SLC25A43: variants seen among roughly 807,000 people sequenced by gnomAD.
SLC25A43 encodes the protein solute carrier family 25 member 43.
In SLC25A43, 10 loss-of-function variants were observed where a neutral mutation model predicts 22.8. The observed-to-expected ratio is 0.44, with a 90% CI of 0.27 to 0.74. The LOEUF (loss-of-function observed/expected upper bound fraction) is 0.74. Among genes scored for constraint, SLC25A43 ranks in the 30% least tolerant of loss-of-function variants. SLC25A43 has a pLI of 0.17. For synonymous variants in SLC25A43, 106 were observed against 121.6 expected, an observed-to-expected ratio of 0.87 and a Z score of 0.84; for missense variants, 233 against 279.1, an observed-to-expected ratio of 0.83 and a Z score of 1.18.
intron 3 of SLC25A43, among the ~76,000 whole-genome samples, chrX:119,448,949 G>A (rs2052685977): frequency 9.0e-6 from 1 of 111,250 alleles, no homozygotes; most frequent in African/African-American, 3.3e-5. Context: ...AAGAGCTAAG[G>A]AGTGCAGTCA....
chrX:119,410,466 A>G, intron 3 of SLC25A43, 104 bp downstream of exon 3: 2 of 905,047 alleles, frequency 2.2e-6, no homozygotes, highest in Non-Finnish European at 3.1e-6. Context: ...CAGGTTTCCA[A>G]GGAGCTTCTG....
chrX:119,421,642 GT>G, intron 3 of SLC25A43, among the ~76,000 whole-genome samples: 1 of 111,775 alleles, frequency 8.9e-6, no homozygotes, highest in Non-Finnish European at 1.9e-5. Flanking sequence ...CTGACCTACT[GT>G]AGCACATACC....
rs376324198 is a variant in SLC25A43 at position 119,452,502 on chromosome X, A to AC, written c.825+359_825+360insC. 3.9e-3 allele frequency among the ~76,000 whole-genome samples: 428 copies of AC among 111,119 alleles called. 3 individuals carry two copies. The highest frequency in any genetic ancestry group is 0.013 in the African/African-American group (400 of 30,668). ...CAAAGAACTCCATGACAAAAAAAAA[A>AC]AAAAACAAAAACAAAAAACATTAAG... On this transcript the variant is annotated intron_variant, in intron 4 of 4. Coordinates refer to ENST00000217909, the MANE Select transcript of SLC25A43 (RefSeq NM_145305.3).
At chrX:119,412,711 G>T (rs768065968) in intron 3 of SLC25A43, among the ~76,000 whole-genome samples, 4 of 112,224 alleles carry the variant, frequency 3.6e-5, no homozygotes, top group East Asian at 2.8e-4. Context: ...TGTGTTGTTG[G>T]TGGTGGTGCT....
rs199944645 is a variant in SLC25A43, at chrX:119,453,006, C to A, written c.967C>A (p.Arg323=). ...VDQSLQPQEL[R]ELKKFFKTRK... ...TCAGAGTTTGCAGCCCCAGGAATTACGAGAATTAAAGAAGTTCTTCAAAAC... is the reference window on the plus strand; with the variant it reads ...TCAGAGTTTGCAGCCCCAGGAATTAAGAGAATTAAAGAAGTTCTTCAAAAC... The change falls in exon 5 of 5, where the codon CGA becomes AGA. Residue 323 remains arginine, a synonymous_variant. Coordinates refer to ENST00000217909, the MANE Select transcript of SLC25A43 (RefSeq NM_145305.3). The A allele has an allele frequency of 1.7e-6, 2 of 1,209,379 alleles. No individual in the cohort carries two copies. The highest frequency in any genetic ancestry group is 1.8e-5 in the African/African-American group (1 of 57,034).
At chrX:119,432,972 G>T (rs1166535299) in intron 3 of SLC25A43, among the ~76,000 whole-genome samples, 2 of 109,469 alleles carry the variant, frequency 1.8e-5, no homozygotes, top group Non-Finnish European at 3.8e-5. Context: ...ATAGCCGGTT[G>T]TCTGTAATCC....
intron 3 of SLC25A43, among the ~76,000 whole-genome samples, chrX:119,450,688 A>G (rs1330828518): frequency 8.9e-6 from 1 of 111,960 alleles, no homozygotes; most frequent in African/African-American, 3.2e-5. Flanking sequence ...ACAGAATGCC[A>G]TATAGCCCCA....
chrX:119,410,361 A>C lies in SLC25A43; in HGVS notation c.689A>C (p.Gln230Pro). The change falls in exon 3 of 5, where the codon CAG becomes CCG. Residue 230 changes from glutamine to proline, a missense_variant and splice_region_variant. Coordinates refer to ENST00000217909, the MANE Select transcript of SLC25A43 (RefSeq NM_145305.3). ...FPFETVKRKM[Q>P]AQSPYLPHSG... ...TTTGAGACCGTGAAGAGAAAGATGC[A>C]GGTGAGGAGTTATCAGAGTGGGGTA... 1 of 1,210,932 alleles carries C rather than the reference A, an allele frequency of 8.3e-7. No individual in the cohort carries two copies. The highest frequency in any genetic ancestry group is 1.1e-6 in the Non-Finnish European group (1 of 894,893).
At position 119,406,452 on chromosome X, in the gene SLC25A43, T is replaced by C. The variant is rs1309082925; in HGVS notation, c.276-8T>C. The C allele has an allele frequency of 8.3e-7, 1 of 1,209,141 alleles. No homozygotes were observed. Among genetic ancestry groups the C allele is most frequent in the East Asian group, 3.0e-5 (1 of 33,775 alleles). ...ATTTCTCTGGCCTTTCCCCCTATTT[T>C]CTCCCAGATTTGTTGTGCTGTTCAC... is the stretch of plus-strand genomic sequence containing the variant. On this transcript the variant is annotated splice_polypyrimidine_tract_variant and splice_region_variant and intron_variant, in intron 1 of 4. Transcript: ENST00000217909.
chrX:119,419,336 G>A (rs748824129), intron 3 of SLC25A43, among the ~76,000 whole-genome samples: 13 of 111,853 alleles, frequency 1.2e-4, no homozygotes, highest in African/African-American at 4.2e-4. Context: ...CCCCATCACA[G>A]CTCACAAGGT....
chrX:119,454,306 TAA>T lies in SLC25A43; in HGVS notation c.*1243_*1244del, dbSNP rs1397984317. 8.9e-6 allele frequency: 1 copy of T among 112,631 alleles called. No individual in the cohort carries two copies. Among genetic ancestry groups the T allele is most frequent in the Non-Finnish European group, 1.9e-5 (1 of 53,314 alleles). 9.3% of individuals were successfully genotyped at this position (112,631 alleles called of 1,213,427 possible). A position where few individuals can be genotyped will look rare whatever the true frequency, so the allele number is the denominator to read the frequency against. ...ATTGTTCCACTTTAGAGATTCTATG[TAA>T]AGTTTATATAACTATACTTGTCAAA... On this transcript the variant is annotated 3_prime_UTR_variant, in exon 5 of 5. Coordinates refer to ENST00000217909, the MANE Select transcript of SLC25A43 (RefSeq NM_145305.3).
At chrX:119,417,087 A>G (rs1436998391) in intron 3 of SLC25A43, among the ~76,000 whole-genome samples, 1 of 110,966 alleles carries the variant, frequency 9.0e-6, no homozygotes, top group Non-Finnish European at 1.9e-5. Context: ...CAAAACAACC[A>G]GGGCCTTGAG....
At chrX:119,447,563 C>T (rs1320124553) in intron 3 of SLC25A43, among the ~76,000 whole-genome samples, 1 of 111,413 alleles carries the variant, frequency 9.0e-6, no homozygotes, top group Non-Finnish European at 1.9e-5. Flanking sequence ...CCCCTATGGC[C>T]TCCCAAAGTG....
At chrX:119,407,736 C>A (rs983128248) in intron 2 of SLC25A43, among the ~76,000 whole-genome samples, 11 of 110,867 alleles carry the variant, frequency 9.9e-5, no homozygotes, top group African/African-American at 3.3e-4. Context: ...CAAGATTAAC[C>A]CTGATGTCCT....
At chrX:119,443,116 C>CTTTTTT (rs58081965) in intron 3 of SLC25A43, among the ~76,000 whole-genome samples, 5 of 73,455 alleles carry the variant, frequency 6.8e-5, no homozygotes, top group Non-Finnish European at 9.9e-5. Flanking sequence ...CATTCTCTCT[C>CTTTTTT]TTTTTTTTTT....
chrX:119,445,332 CT>C (rs1363393948), intron 3 of SLC25A43, among the ~76,000 whole-genome samples: 7 of 111,983 alleles, frequency 6.3e-5, no homozygotes, highest in Non-Finnish European at 1.3e-4. Context: ...GACTTCCCCC[CT>C]ATACATACCC....
chrX:119,410,430 C>G (rs2052339993), intron 3 of SLC25A43, 68 bp downstream of exon 3: 2 of 1,088,566 alleles, frequency 1.8e-6, no homozygotes. Context: ...GTAATAACAG[C>G]AAAGAACACT....
Position 119,454,270 on chromosome X carries a change from C to T in SLC25A43, c.*1205C>T, listed in dbSNP as rs1048518020. 4.5e-5 allele frequency: 5 copies of T among 112,314 alleles called. No individual in the cohort carries two copies. Among genetic ancestry groups the T allele is most frequent in the Admixed American group, 2.9e-4 (3 of 10,502 alleles). 9.3% of individuals were successfully genotyped at this position (112,314 alleles called of 1,213,427 possible). On this transcript the variant is annotated 3_prime_UTR_variant, in exon 5 of 5. Coordinates refer to ENST00000217909, the MANE Select transcript of SLC25A43 (RefSeq NM_145305.3). Reference sequence around the variant, plus strand: ...CATCTGTATCAAACTTTCTAAAAATCAAATCTCAGGATTGTTCCACTTTAG... The same window carrying T: ...CATCTGTATCAAACTTTCTAAAAATTAAATCTCAGGATTGTTCCACTTTAG...
At chrX:119,452,832 A>G in intron 4 of SLC25A43, 33 bp from the exon 5 acceptor site, 1 of 1,137,222 alleles carries the variant, frequency 8.8e-7, no homozygotes, top group Non-Finnish European at 1.2e-6. Context: ...CTTTTTAAGA[A>G]CTTAACTTGA....
Sources: allele counts gnomAD v4.1 joint callset (sites outside exome capture counted in the v4.1 genomes callset), GRCh38; gene constraint gnomAD v4.1.1; transcripts MANE v1.5; gene names NCBI Gene and HGNC (gene_info 2026-07-23, HGNC 2026-07-21).